The following GAN variants were observed in gnomAD, a reference collection of about 807,000 sequenced individuals.
The protein encoded by GAN is gigaxonin, also known as epididymis secretory sperm binding protein.
Under a neutral mutation model 71.3 loss-of-function variants are expected in GAN, and 48 were observed. The observed-to-expected ratio is 0.67, with a 90% confidence interval of 0.53 to 0.86. GAN has a LOEUF of 0.86. GAN is among the 40% of genes least tolerant of loss of function. GAN has a pLI of 0.00. For synonymous variants in GAN, 386 were observed against 276.8 expected, an observed-to-expected ratio of 1.39 and a Z score of -3.92; for missense variants, 928 against 770.1, an observed-to-expected ratio of 1.21 and a Z score of -2.43.
At position 81,363,922 on chromosome 16, in the gene GAN, T is replaced by G; in HGVS notation, c.1215T>G (p.Pro405=). The change falls in exon 7 of 11, where the codon CCT becomes CCG. Residue 405 remains proline, a synonymous_variant. Transcript: ENST00000648994. ...DIYSKTWTKQ[P]DLTMVRKIGC... is the part of the protein sequence containing the mutation. ...ATTCTAAAACCTGGACAAAGCAACC[T>G]GATTTGACCATGGTCAGAAAGGTGA... The G allele has an allele frequency of 1.2e-6, 2 of 1,613,608 alleles. No homozygotes were observed. The highest frequency in any genetic ancestry group is 1.3e-5 in the African/African-American group (1 of 75,054).
chr16:81,376,102 C>T (rs915770354), intron 9 of GAN, among the ~76,000 whole-genome samples: 3 of 151,976 alleles, frequency 2.0e-5, no homozygotes, highest in Non-Finnish European at 2.9e-5. Context: ...TCAGATCTCA[C>T]AGTGATACTG....
rs1904300981 is a variant in GAN, at chr16:81,380,765, A to G, written c.*3169A>G. The G allele has an allele frequency of 6.6e-6, 1 of 152,124 alleles. No individual in the cohort carries two copies. 9.4% of individuals were successfully genotyped at this position (152,124 alleles called of 1,614,324 possible). ...ATATTTGTAGTTTATAGTAAGTTTT[A>G]CTTGGTGTTCGCGTTTCTCTTCTTC... On this transcript the variant is annotated 3_prime_UTR_variant, in exon 11 of 11. Transcript: ENST00000648994.
chr16:81,364,944 C>G (rs1411652376), intron 7 of GAN, 30 bp from the exon 8 acceptor site: 1 of 1,611,814 alleles, frequency 6.2e-7, no homozygotes, highest in Non-Finnish European at 8.5e-7. Context: ...GAAATGTTGC[C>G]TCTCCCCCAC....
Position 81,332,811 on chromosome 16 carries a change from G to C in GAN, c.167+17531G>C, listed in dbSNP as rs188569914. Among the ~76,000 whole-genome samples, 9 of 152,290 alleles carry C rather than the reference G, an allele frequency of 5.9e-5. No individual in the cohort carries two copies. The East Asian group carries it at 1.7e-3, about 29-fold the overall frequency. On this transcript the variant is annotated intron_variant, in intron 1 of 10. Coordinates refer to ENST00000648994, the MANE Select transcript of GAN (RefSeq NM_022041.4). ...GGTTTCTTACGATTAGATTGGATGG[G>C]AGGGTTGCATTTTTGGCAAGAACCC...
intron 9 of GAN, among the ~76,000 whole-genome samples, chr16:81,375,001 C>CTG (rs144133366): frequency 0.7 from 106,124 of 151,872 alleles, 37,702 homozygotes; most frequent in East Asian, 0.94. Context: ...AAAGATAAAA[C>CTG]TAAAAGTTCC....
chr16:81,364,869 C>T (rs1003695539), intron 7 of GAN, 105 bp from the exon 8 acceptor site: 37 of 1,127,382 alleles, frequency 3.3e-5, no homozygotes, highest in Non-Finnish European at 4.7e-5. Context: ...AGAAATCAAA[C>T]CCCTTCCTAA....
intron 3 of GAN, among the ~76,000 whole-genome samples, chr16:81,356,250 A>T (rs571856495): frequency 6.6e-6 from 1 of 152,146 alleles, no homozygotes; most frequent in Non-Finnish European, 1.5e-5. Context: ...GTGTAAATTC[A>T]TATTAGTCGT....
chr16:81,339,922 A>T (rs1481100519), intron 1 of GAN, among the ~76,000 whole-genome samples: 1 of 152,198 alleles, frequency 6.6e-6, no homozygotes, highest in Non-Finnish European at 1.5e-5. Flanking sequence ...CTTAACCTTC[A>T]GGTGTTTGGA....
At chr16:81,374,016 C>T (rs1042098410) in intron 9 of GAN, among the ~76,000 whole-genome samples, 2 of 152,180 alleles carry the variant, frequency 1.3e-5, no homozygotes, top group Admixed American at 1.3e-4. Context: ...GCTGGGATTA[C>T]AGGCGTGAGC....
rs564294656 is a variant in GAN at position 81,377,916 on chromosome 16, A to G, written c.*320A>G. 3.1e-5 allele frequency: 12 copies of G among 381,632 alleles called. No homozygotes were observed. Among genetic ancestry groups the G allele is most frequent in the South Asian group, 1.6e-4 (6 of 36,408 alleles). The allele number at this position is 381,632 out of a possible 1,614,324, so 23.6% of individuals were successfully genotyped here. The stretch of plus-strand genomic sequence containing the variant: ...TGTAAAATATCAAAGTTAAAATACT[A>G]AGGTGCATTTTCCCTGAAGGGAACT... On this transcript the variant is annotated 3_prime_UTR_variant, in exon 11 of 11. Coordinates refer to ENST00000648994, the MANE Select transcript of GAN (RefSeq NM_022041.4).
intron 1 of GAN, among the ~76,000 whole-genome samples, chr16:81,344,069 C>T (rs561166037): frequency 6.6e-6 from 1 of 152,240 alleles, no homozygotes; most frequent in African/African-American, 2.4e-5. Context: ...TGTGAAGGAC[C>T]TCTTCAAGGA....
chr16:81,389,245 G>T lies in GAN; in HGVS notation c.*11649G>T, dbSNP rs1164365331. ...AATTCGTGGCTTTTTCTGCCACTGGGGTTCTTTTCGTTTTGAATTCAGCTT... is the reference window on the plus strand; with the variant it reads ...AATTCGTGGCTTTTTCTGCCACTGGTGTTCTTTTCGTTTTGAATTCAGCTT... On this transcript the variant is annotated 3_prime_UTR_variant, in exon 11 of 11. Coordinates refer to ENST00000648994, the MANE Select transcript of GAN (RefSeq NM_022041.4). 1 of 152,172 alleles carries T rather than the reference G, an allele frequency of 6.6e-6. No individual in the cohort carries two copies. The highest frequency in any genetic ancestry group is 1.9e-4 in the East Asian group (1 of 5,198). The allele number at this position is 152,172 out of a possible 1,614,324, so 9.4% of individuals were successfully genotyped here. A position where few individuals can be genotyped will look rare whatever the true frequency, so the allele number is the denominator to read the frequency against.
intron 5 of GAN, among the ~76,000 whole-genome samples, chr16:81,360,040 TGG>T (rs1178068393): frequency 2.2e-5 from 3 of 135,812 alleles, no homozygotes; most frequent in Admixed American, 7.6e-5. Flanking sequence ...GATGGATGGA[TGG>T]ATGGATGGAT....
chr16:81,336,417 C>T (rs79824041), intron 1 of GAN, among the ~76,000 whole-genome samples: 3,218 of 152,192 alleles, frequency 0.021, 59 homozygotes, highest in East Asian at 0.082. Context: ...ATTGATATTT[C>T]ATTTAAGTTG....
rs1904458184 is a variant in GAN, at chr16:81,388,143, T to C, written c.*10547T>C. ...GGTATTTTGGCCATGTTCGGAGTCG[T>C]TGTTTTTACTCACTCTTCTTGGGAT... On this transcript the variant is annotated 3_prime_UTR_variant, in exon 11 of 11. Coordinates refer to ENST00000648994, the MANE Select transcript of GAN (RefSeq NM_022041.4). 6.6e-6 allele frequency: 1 copy of C among 152,198 alleles called. No individual in the cohort carries two copies. Among genetic ancestry groups the C allele is most frequent in the African/African-American group, 2.4e-5 (1 of 41,448 alleles). The allele number at this position is 152,198 out of a possible 1,614,324, so 9.4% of individuals were successfully genotyped here.
At chr16:81,337,891 A>G (rs899880310) in intron 1 of GAN, among the ~76,000 whole-genome samples, 2 of 152,236 alleles carry the variant, frequency 1.3e-5, no homozygotes, top group African/African-American at 2.4e-5. Context: ...AGTATATTAT[A>G]AATCCTTAAG....
At chr16:81,377,123 C>A (rs765675895) in intron 9 of GAN, 96 bp from the exon 10 acceptor site, 1 of 817,974 alleles carries the variant, frequency 1.2e-6, no homozygotes, top group African/African-American at 1.7e-5. Flanking sequence ...GTGCCTGATA[C>A]TGCTGATGAC....
intron 9 of GAN, among the ~76,000 whole-genome samples, chr16:81,368,503 A>G (rs1910934025): frequency 6.6e-6 from 1 of 152,182 alleles, no homozygotes; most frequent in East Asian, 1.9e-4. Context: ...GCTACTTGGA[A>G]GGCTGAGGCA....
At chr16:81,368,019 T>G (rs531954492) in intron 9 of GAN, among the ~76,000 whole-genome samples, 17 of 152,386 alleles carry the variant, frequency 1.1e-4, no homozygotes, top group Non-Finnish European at 2.2e-4. Context: ...CAGTCCATAT[T>G]TGATTGGAGA....
Sources: gnomAD v4.1 joint callset for allele counts (sites outside exome capture counted in the v4.1 genomes callset) on GRCh38, gnomAD v4.1.1 for gene constraint, MANE v1.5 for transcripts, NCBI Gene and HGNC (gene_info 2026-07-23, HGNC 2026-07-21) for gene names.